CAPN3: variants seen among roughly 807,000 people sequenced by gnomAD.
The protein encoded by CAPN3 is calpain-3.
Under a neutral mutation model 114.0 loss-of-function variants are expected in CAPN3, and 88 were observed. The ratio of observed to expected loss-of-function variants is 0.77; its 90% CI spans 0.65 to 0.92. CAPN3 has a LOEUF of 0.92. Among genes scored for constraint, CAPN3 ranks in the 40% least tolerant of loss-of-function variants. CAPN3 has a pLI of 0.00. For synonymous variants in CAPN3, 386 were observed against 382.9 expected, an observed-to-expected ratio of 1.01 and a Z score of -0.09; for missense variants, 1,028 against 1,069.0, an observed-to-expected ratio of 0.96 and a Z score of 0.53.
intron 10 of CAPN3, 144 bp downstream of exon 10, chr15:42,399,796 C>T: frequency 1.3e-6 from 1 of 760,684 alleles, no homozygotes; most frequent in Non-Finnish European, 2.1e-6. Flanking sequence ...AGGAAACCAC[C>T]ATGCTGAGAA....
Position 42,408,249 on chromosome 15 carries a change from G to A in CAPN3, c.1839G>A (p.Lys613=), listed in dbSNP as rs2141216539. The A allele has an allele frequency of 6.2e-7, 1 of 1,613,880 alleles. No individual in the cohort carries two copies. Among genetic ancestry groups the A allele is most frequent in the South Asian group, 1.1e-5 (1 of 91,076 alleles). ...IFVSDRANSN[K]ELGVDQESEE... ...TTTCGGACAGAGCAAACAGCAACAA[G>A]GAGCTGGGTGTGGACCAGGAGTCAG... The change falls in exon 16 of 24, where the codon AAG becomes AAA. Residue 613 remains lysine, a synonymous_variant. Coordinates refer to ENST00000397163, the MANE Select transcript of CAPN3 (RefSeq NM_000070.3).
At chr15:42,384,185 G>A (rs941526724) in intron 1 of CAPN3, among the ~76,000 whole-genome samples, 5 of 152,038 alleles carry the variant, frequency 3.3e-5, no homozygotes. Context: ...AGGCCGAGGC[G>A]GGTGGATCAC....
intron 13 of CAPN3, 21 bp from the exon 14 acceptor site, chr15:42,403,720 A>G (rs1349812301): frequency 1.2e-6 from 2 of 1,612,472 alleles, no homozygotes; most frequent in Non-Finnish European, 1.7e-6. Flanking sequence ...CTGAGACCCC[A>G]CATGTCTGTA....
chr15:42,410,106 T>C, intron 19 of CAPN3, 111 bp downstream of exon 19: 3 of 963,784 alleles, frequency 3.1e-6, no homozygotes, highest in Non-Finnish European at 5.0e-6. Context: ...CCAGGGAAAC[T>C]TAAGGAGACC....
intron 1 of CAPN3, among the ~76,000 whole-genome samples, chr15:42,362,458 T>C (rs1189452826): frequency 6.6e-6 from 1 of 152,084 alleles, no homozygotes; most frequent in Non-Finnish European, 1.5e-5. Flanking sequence ...ACTTGTCTGT[T>C]CTAAATTGTG....
At chr15:42,410,836 C>A in intron 21 of CAPN3, 48 bp from the exon 22 acceptor site, 1 of 1,511,114 alleles carries the variant, frequency 6.6e-7, no homozygotes, top group Non-Finnish European at 9.2e-7. Flanking sequence ...GAAGGCAGGC[C>A]CAAGGCCTCC....
chr15:42,376,556 T>G lies in CAPN3; in HGVS notation c.310-7927T>G, dbSNP rs559407504. Among the ~76,000 whole-genome samples the G allele has an allele frequency of 3.7e-4, 56 of 152,108 alleles. 1 individual carries two copies. In the East Asian group the frequency reaches 9.8e-3, roughly 27 times the overall value. ...ATACCCTAATTGTTTGTGGGTTTTT[T>G]TTTTTTTCCTTGAGCACTTTCTTAC... On this transcript the variant is annotated intron_variant, in intron 1 of 23. Coordinates refer to ENST00000397163, the MANE Select transcript of CAPN3 (RefSeq NM_000070.3).
chr15:42,408,399 G>C (rs780936898), intron 16 of CAPN3, 75 bp downstream of exon 16: 1 of 887,018 alleles, frequency 1.1e-6, no homozygotes, highest in Non-Finnish European at 1.9e-6. Flanking sequence ...ATACACAGGG[G>C]CTGGAGGCTT....
intron 1 of CAPN3, among the ~76,000 whole-genome samples, chr15:42,362,437 G>A (rs904552199): frequency 3.3e-5 from 5 of 152,086 alleles, no homozygotes; most frequent in African/African-American, 1.2e-4. Flanking sequence ...TTGAAATGAG[G>A]GGTGCAGAAG....
intron 1 of CAPN3, among the ~76,000 whole-genome samples, chr15:42,366,437 A>G (rs1261194251): frequency 6.6e-6 from 1 of 152,190 alleles, no homozygotes; most frequent in African/African-American, 2.4e-5. Context: ...CACCAGGAGA[A>G]AAAAAAGTAT....
intron 1 of CAPN3, among the ~76,000 whole-genome samples, chr15:42,371,163 T>C (rs1398073460): frequency 6.6e-6 from 1 of 152,074 alleles, no homozygotes; most frequent in Non-Finnish European, 1.5e-5. Flanking sequence ...CAGCCTTCTG[T>C]CTACTCAGCA....
Position 42,386,244 on chromosome 15 carries a change from C to G in CAPN3, c.457C>G (p.Gln153Glu), listed in dbSNP as rs754494701. ...TCTTTTCCGAGTCATACCCCATGAT[C>G]AAAGTTTCATCGAAAACTACGCAGG... ...HLLFRVIPHD[Q>E]SFIENYAGIF... is the part of the protein sequence containing the mutation. The change falls in exon 3 of 24, where the codon CAA becomes GAA. Residue 153 changes from glutamine (Q) to glutamate (E), a missense_variant. By Grantham distance (29) the Gln-to-Glu change is conservative. Transcript: ENST00000397163. 1.2e-6 allele frequency: 2 copies of G among 1,613,924 alleles called. No individual in the cohort carries two copies. Among genetic ancestry groups the G allele is most frequent in the African/African-American group, 1.3e-5 (1 of 74,918 alleles).
chr15:42,401,759 G>C lies in CAPN3; in HGVS notation c.1473G>C (p.Lys491Asn). The C allele has an allele frequency of 6.2e-7, 1 of 1,614,080 alleles. No homozygotes were observed. Among genetic ancestry groups the C allele is most frequent in the East Asian group, 2.2e-5 (1 of 44,852 alleles). ...CCCTGATGCAGAAGAACCGGCGGAA[G>C]GACCGGAAGCTAGGGGCCAGTCTCT... ...LVALMQKNRR[K>N]DRKLGASLFT... The change falls in exon 11 of 24, where the codon AAG becomes AAC. Residue 491 changes from lysine to asparagine, a missense_variant. By Grantham distance (94) the Lys-to-Asn change is moderately conservative. Transcript: ENST00000397163.
intron 2 of CAPN3, chr15:42,385,784 A>T: frequency 1.9e-6 from 1 of 529,404 alleles, no homozygotes; most frequent in Non-Finnish European, 3.8e-6. Context: ...GAGGAATTGG[A>T]CTCACATTGC....
chr15:42,372,602 C>T (rs1286542385), intron 1 of CAPN3, among the ~76,000 whole-genome samples: 1 of 152,308 alleles, frequency 6.6e-6, no homozygotes, highest in East Asian at 1.9e-4. Context: ...AATCCCAACA[C>T]TTTGGGAGGC....
chr15:42,397,750 T>A (rs930248508), intron 9 of CAPN3, among the ~76,000 whole-genome samples: 1 of 152,164 alleles, frequency 6.6e-6, no homozygotes, highest in African/African-American at 2.4e-5. Flanking sequence ...CGGGCCTCGC[T>A]ATATTTCTCG....
chr15:42,398,072 T>A (rs562505579), intron 9 of CAPN3, among the ~76,000 whole-genome samples: 3 of 151,812 alleles, frequency 2.0e-5, no homozygotes, highest in Admixed American at 6.6e-5. Flanking sequence ...TGGCCTTCTA[T>A]TTTTTATGGA....
chr15:42,392,785 A>G (rs1467281577), intron 7 of CAPN3, 63 bp downstream of exon 7: 4 of 1,419,252 alleles, frequency 2.8e-6, no homozygotes, highest in Non-Finnish European at 4.0e-6. Context: ...TGAAGTCAGG[A>G]CTTAGCTGTT....
In CAPN3 at chr15:42,400,176, A is replaced by T. The variant is rs965144128; in HGVS notation, c.1354+524A>T. 2.0e-5 allele frequency among the ~76,000 whole-genome samples: 3 copies of T among 152,326 alleles called. No homozygotes were observed. In the South Asian group the frequency reaches 6.2e-4, roughly 32 times the overall value. On this transcript the variant is annotated intron_variant, in intron 10 of 23. Coordinates refer to ENST00000397163, the MANE Select transcript of CAPN3 (RefSeq NM_000070.3). The stretch of plus-strand genomic sequence containing the variant: ...TGAATGTGCATCTCTTTCACATTGT[A>T]AAGTTAAAAAATTGTAGCCGAACCA...
Sources: gnomAD v4.1 joint callset for allele counts (sites outside exome capture counted in the v4.1 genomes callset) on GRCh38, gnomAD v4.1.1 for gene constraint, MANE v1.5 for transcripts, NCBI Gene and HGNC (gene_info 2026-07-23, HGNC 2026-07-21) for gene names.